Variants in SGCD observed in about 807,000 individuals in gnomAD.
The protein encoded by SGCD is delta-sarcoglycan.
SGCD carries 18 observed loss-of-function variants against 36.6 expected under a neutral mutation model. The ratio of observed to expected loss-of-function variants is 0.49; its 90% CI spans 0.34 to 0.73. SGCD has a LOEUF of 0.73. Ranked by LOEUF, SGCD falls within the 30% of genes least tolerant of loss-of-function variation. The pLI is 0.01. For synonymous variants in SGCD, 133 were observed against 130.6 expected (o/e 1.02, Z -0.12); for missense variants, 387 against 346.7 (o/e 1.12, Z -0.92).
chr5:156,289,797 G>C (rs1291542933), intron 3 of SGCD, among the ~76,000 whole-genome samples: 2 of 151,992 alleles, frequency 1.3e-5, no homozygotes, highest in African/African-American at 4.8e-5. Context: ...AGGATTACAG[G>C]TGTGAGCCAC....
intron 7 of SGCD, among the ~76,000 whole-genome samples, chr5:156,723,503 A>G (rs1344274335): frequency 6.6e-6 from 1 of 152,270 alleles, no homozygotes; most frequent in Non-Finnish European, 1.5e-5. Context: ...TGAGGAGAAT[A>G]AATGAATCCA....
At chr5:156,667,763 C>G (rs984622767) in intron 7 of SGCD, among the ~76,000 whole-genome samples, 2 of 152,158 alleles carry the variant, frequency 1.3e-5, no homozygotes, top group Admixed American at 6.5e-5. Context: ...CTGAACATAA[C>G]CTCAACAAAT....
intron 3 of SGCD, among the ~76,000 whole-genome samples, chr5:156,221,971 G>T (rs1003795680): frequency 5.3e-5 from 8 of 152,000 alleles, no homozygotes; most frequent in Admixed American, 1.3e-4. Context: ...TGGTAGCCTA[G>T]AGAATAGAAG....
chr5:155,782,534 G>T, the SGCD span, among the ~76,000 whole-genome samples: 8 of 152,092 alleles, frequency 5.3e-5, no homozygotes, highest in Non-Finnish European at 1.0e-4. Context: ...TGTCTCAGGG[G>T]GGTGACAGCA....
intron 3 of SGCD, among the ~76,000 whole-genome samples, chr5:156,377,511 C>G (rs1770733667): frequency 6.6e-6 from 1 of 152,146 alleles, no homozygotes; most frequent in Non-Finnish European, 1.5e-5. Flanking sequence ...TAATGTTAAG[C>G]TCCATGAAAG....
chr5:156,684,983 C>T (rs1398960237), intron 7 of SGCD, among the ~76,000 whole-genome samples: 5 of 151,906 alleles, frequency 3.3e-5, no homozygotes, highest in Admixed American at 6.6e-5. Context: ...GAAAGAAAAA[C>T]AAAGGGTGAA....
At chr5:156,230,744 C>T (rs535210242) in intron 3 of SGCD, among the ~76,000 whole-genome samples, 7 of 152,270 alleles carry the variant, frequency 4.6e-5, no homozygotes, top group South Asian at 2.1e-4. Context: ...TTCTGCTTCC[C>T]GTCCATCATG....
intron 6 of SGCD, among the ~76,000 whole-genome samples, chr5:156,632,043 A>C (rs1006719038): frequency 6.6e-6 from 1 of 152,228 alleles, no homozygotes; most frequent in Non-Finnish European, 1.5e-5. Flanking sequence ...ATCACTGAGA[A>C]GTCTAGATAT....
chr5:156,032,562 C>T (rs374464560), intron 1 of SGCD, among the ~76,000 whole-genome samples: 1 of 151,434 alleles, frequency 6.6e-6, no homozygotes, highest in Admixed American at 6.6e-5. Context: ...ACTAAATATA[C>T]AAAACATTAG....
At chr5:156,473,212 C>T (rs1029246201) in intron 3 of SGCD, among the ~76,000 whole-genome samples, 10 of 152,170 alleles carry the variant, frequency 6.6e-5, no homozygotes, top group Non-Finnish European at 1.3e-4. Context: ...CCATCTCATC[C>T]ACAGGAGATA....
intron 1 of SGCD, among the ~76,000 whole-genome samples, chr5:155,898,578 C>G (rs986596672): frequency 6.6e-6 from 1 of 152,156 alleles, no homozygotes; most frequent in Non-Finnish European, 1.5e-5. Context: ...CTTTTGGAAG[C>G]ATTTGACCAA....
chr5:156,213,115 G>A (rs564908834), intron 3 of SGCD, among the ~76,000 whole-genome samples: 62 of 151,802 alleles, frequency 4.1e-4, no homozygotes, highest in African/African-American at 1.5e-3. Flanking sequence ...AATTAACTAA[G>A]CTTAAAGTTA....
chr5:156,544,571 G>A (rs567114514), intron 4 of SGCD, among the ~76,000 whole-genome samples: 4 of 151,808 alleles, frequency 2.6e-5, no homozygotes, highest in African/African-American at 9.7e-5. Flanking sequence ...TATTACCTTT[G>A]GCCAAGAAGT....
the SGCD span, among the ~76,000 whole-genome samples, chr5:155,732,730 G>A: frequency 6.6e-6 from 1 of 152,178 alleles, no homozygotes; most frequent in Non-Finnish European, 1.5e-5. Context: ...AGAGGCCAGA[G>A]ATCTATATTT....
In SGCD at chr5:156,199,885, C is replaced by T. The variant is rs73300678; in HGVS notation, c.-44+75866C>T. On this transcript the variant is annotated intron_variant, in intron 3 of 9. Coordinates refer to the SGCD transcript ENST00000517913. Reference sequence around the variant, plus strand: ...AAGCTGTATATTTAAAAAGTTGTGTCCACTCTTAGGGCCTCATGGACTTTA... The same window carrying T: ...AAGCTGTATATTTAAAAAGTTGTGTTCACTCTTAGGGCCTCATGGACTTTA... Among the ~76,000 whole-genome samples the T allele has an allele frequency of 4.1e-3, 620 of 152,116 alleles. 6 individuals carry two copies. The highest frequency in any genetic ancestry group is 0.014 in the African/African-American group (596 of 41,496).
At chr5:155,965,891 T>C (rs1267971448) in intron 1 of SGCD, among the ~76,000 whole-genome samples, 3 of 152,088 alleles carry the variant, frequency 2.0e-5, no homozygotes, top group Admixed American at 2.0e-4. Flanking sequence ...CCCCCTTTGT[T>C]CAGTCCAACA....
At chr5:156,089,662 A>C (rs1485731592) in intron 1 of SGCD, among the ~76,000 whole-genome samples, 2 of 152,212 alleles carry the variant, frequency 1.3e-5, no homozygotes, top group Non-Finnish European at 2.9e-5. Context: ...GTTTGTCCTC[A>C]AAATGGCATA....
At chr5:156,093,142 C>T (rs1761286432) in intron 1 of SGCD, among the ~76,000 whole-genome samples, 1 of 152,196 alleles carries the variant, frequency 6.6e-6, no homozygotes, top group Admixed American at 6.5e-5. Flanking sequence ...TTTCTCTGGC[C>T]CTCTGGGCCC....
rs201079829 is a variant in SGCD, at chr5:156,508,584, T to G, written c.193-17T>G. ...GGCTAATCATATCTTCCTTGTTATCTCTGTGTTCTATTTCAGGATGGAATG... is the reference window on the plus strand; with the variant it reads ...GGCTAATCATATCTTCCTTGTTATCGCTGTGTTCTATTTCAGGATGGAATG... On this transcript the variant is annotated splice_polypyrimidine_tract_variant and intron_variant, in intron 3 of 8. Coordinates refer to ENST00000337851, the MANE Select transcript of SGCD (RefSeq NM_000337.6). 94 of 1,516,224 alleles carry G rather than the reference T, an allele frequency of 6.2e-5. No homozygotes were observed. In the African/African-American group the frequency reaches 1.0e-3, roughly 17 times the overall value. The allele number at this position is 1,516,224 out of a possible 1,614,324, so 93.9% of individuals were successfully genotyped here.
Sources: allele counts gnomAD v4.1 joint callset (sites outside exome capture counted in the v4.1 genomes callset), GRCh38; gene constraint gnomAD v4.1.1; transcripts MANE v1.5; gene names NCBI Gene and HGNC (gene_info 2026-07-23, HGNC 2026-07-21).